CNBD1: variants seen among roughly 807,000 people sequenced by gnomAD.
CNBD1 encodes the protein cyclic nucleotide-binding domain-containing protein 1.
In CNBD1, 71 loss-of-function variants were observed where a neutral mutation model predicts 54.4. The ratio of observed to expected loss-of-function variants is 1.30; its 90% CI spans 1.08 to 1.59. The LOEUF is 1.59. Ranked by LOEUF, CNBD1 falls within the 40% of genes most tolerant of loss-of-function variation. The probability of loss-of-function intolerance (pLI) is 0.00; values close to 1 mark genes in which losing one functional copy is unlikely to be tolerated. For missense variants in CNBD1, 659 were observed against 518.0 expected (o/e 1.27, Z -2.64); for synonymous variants, 182 against 170.7 (o/e 1.07, Z -0.51).
At chr8:87,113,288 G>A (rs534065962) in intron 4 of CNBD1, among the ~76,000 whole-genome samples, 20 of 152,180 alleles carry the variant, frequency 1.3e-4, no homozygotes, top group African/African-American at 4.3e-4. Flanking sequence ...TCTGCTACAC[G>A]TCACCTCATG....
At chr8:87,038,464 G>A (rs191652009) in intron 4 of CNBD1, among the ~76,000 whole-genome samples, 231 of 152,248 alleles carry the variant, frequency 1.5e-3, no homozygotes, top group African/African-American at 5.0e-3. Context: ...TCTGGATGGG[G>A]CCACAGGATA....
intron 4 of CNBD1, among the ~76,000 whole-genome samples, chr8:87,189,896 C>T (rs1226410184): frequency 2.0e-5 from 3 of 152,168 alleles, no homozygotes; most frequent in Non-Finnish European, 2.9e-5. Context: ...TCAAGAAATA[C>T]TTCAAGTACA....
chr8:87,020,993 C>T (rs115634408), intron 4 of CNBD1, among the ~76,000 whole-genome samples: 1,883 of 152,292 alleles, frequency 0.012, 39 homozygotes, highest in African/African-American at 0.043. Flanking sequence ...CAACCTCAAC[C>T]AATTGTCAAC....
chr8:86,894,523 A>G (rs1563813299), intron 2 of CNBD1, among the ~76,000 whole-genome samples: 1 of 152,160 alleles, frequency 6.6e-6, no homozygotes. Context: ...GTTATTTACT[A>G]TTAACTAAAG....
At chr8:87,026,935 CAT>C (rs1269247468) in intron 4 of CNBD1, among the ~76,000 whole-genome samples, 1 of 152,128 alleles carries the variant, frequency 6.6e-6, no homozygotes, top group African/African-American at 2.4e-5. Flanking sequence ...CAAAGACAAA[CAT>C]AACACCCGGA....
chr8:87,423,962 T>C (rs1221124900), intron 2 of CNBD1, among the ~76,000 whole-genome samples: 1 of 152,228 alleles, frequency 6.6e-6, no homozygotes, highest in Non-Finnish European at 1.5e-5. Flanking sequence ...GCTCCTGTTA[T>C]TGGTCTATTC....
chr8:87,412,541 G>A (rs1807763856), intron 2 of CNBD1, among the ~76,000 whole-genome samples: 2 of 152,012 alleles, frequency 1.3e-5, no homozygotes, highest in Non-Finnish European at 2.9e-5. Flanking sequence ...GAATGCACAT[G>A]AGGCTAAATT....
At chr8:86,932,464 G>A (rs1330236941) in intron 3 of CNBD1, among the ~76,000 whole-genome samples, 1 of 152,118 alleles carries the variant, frequency 6.6e-6, no homozygotes, top group Non-Finnish European at 1.5e-5. Context: ...GCTGTAGGGA[G>A]GCTAGGATAT....
Position 87,351,710 on chromosome 8 carries a change from T to A in CNBD1, c.1068T>A (p.Ile356=). 6.5e-7 allele frequency: 1 copy of A among 1,529,418 alleles called. No homozygotes were observed. The highest frequency in any genetic ancestry group is 8.7e-7 in the Non-Finnish European group (1 of 1,143,002). 94.7% of individuals were successfully genotyped at this position (1,529,418 alleles called of 1,614,324 possible). The change falls in exon 9 of 11, where the codon ATT becomes ATA. Residue 356 remains isoleucine, a synonymous_variant. Coordinates refer to ENST00000518476, the MANE Select transcript of CNBD1 (RefSeq NM_173538.3). ...GHVIVESGNI[I]SFVGYINSGC... is the part of the protein sequence containing the mutation. The stretch of plus-strand genomic sequence containing the variant: ...TGATAGTGGAAAGTGGAAATATAAT[T>A]TCTTTTGTGGGTTATATTAACTCTG...
intron 4 of CNBD1, among the ~76,000 whole-genome samples, chr8:87,127,432 TA>T (rs34286436): frequency 6.6e-6 from 1 of 152,162 alleles, no homozygotes; most frequent in South Asian, 2.1e-4. Flanking sequence ...TAAATTGTAT[TA>T]AAAATTTTCA....
chr8:87,421,553 A>C (rs1199260070), intron 2 of CNBD1, among the ~76,000 whole-genome samples: 3 of 151,276 alleles, frequency 2.0e-5, no homozygotes. Context: ...GCGATAGTTT[A>C]CTGAGAATGA....
chr8:87,138,937 A>G (rs1812316441), intron 4 of CNBD1, among the ~76,000 whole-genome samples: 2 of 152,226 alleles, frequency 1.3e-5, no homozygotes, highest in African/African-American at 4.8e-5. Context: ...TTTATTGAGT[A>G]AAAGTGATTG....
At chr8:87,342,831 G>A (rs112982835) in intron 8 of CNBD1, among the ~76,000 whole-genome samples, 2,842 of 152,104 alleles carry the variant, frequency 0.019, 90 homozygotes, top group African/African-American at 0.062. Context: ...TACTGATGAG[G>A]GTCCATGTCC....
At chr8:87,195,189 G>A (rs1474696418) in intron 4 of CNBD1, among the ~76,000 whole-genome samples, 1 of 146,798 alleles carries the variant, frequency 6.8e-6, no homozygotes, top group Non-Finnish European at 1.5e-5. Context: ...GGCCCGTTTA[G>A]TATTTTTTAG....
intron 2 of CNBD1, among the ~76,000 whole-genome samples, chr8:87,422,428 T>C (rs973860798): frequency 1.3e-5 from 2 of 149,902 alleles, no homozygotes. Context: ...AAGTCTTTAA[T>C]CCATCTTGAA....
chr8:87,343,431 A>G (rs1429768829), intron 8 of CNBD1, among the ~76,000 whole-genome samples: 2 of 152,224 alleles, frequency 1.3e-5, no homozygotes, highest in African/African-American at 2.4e-5. Flanking sequence ...AATTTTGGGA[A>G]CTAATAAATG....
chr8:86,903,874 T>G (rs1051092085), intron 2 of CNBD1, among the ~76,000 whole-genome samples: 1 of 151,990 alleles, frequency 6.6e-6, no homozygotes, highest in African/African-American at 2.4e-5. Context: ...AATTTTTTTT[T>G]TTTTCCTGGG....
At chr8:87,069,067 T>C (rs1810710744) in intron 4 of CNBD1, among the ~76,000 whole-genome samples, 1 of 152,222 alleles carries the variant, frequency 6.6e-6, no homozygotes, top group African/African-American at 2.4e-5. Flanking sequence ...TTCTATAAAC[T>C]ACACCTGCTA....
intron 8 of CNBD1, among the ~76,000 whole-genome samples, chr8:87,327,377 G>A (rs1311834634): frequency 4.0e-5 from 6 of 151,746 alleles, no homozygotes; most frequent in East Asian, 3.9e-4. Flanking sequence ...GCAAGCCTGG[G>A]CAATGGTGGG....
Sources: allele counts gnomAD v4.1 joint callset (sites outside exome capture counted in the v4.1 genomes callset), GRCh38; gene constraint gnomAD v4.1.1; transcripts MANE v1.5; gene names NCBI Gene and HGNC (gene_info 2026-07-23, HGNC 2026-07-21).